SPECC1: variants seen among roughly 807,000 people sequenced by gnomAD.
SPECC1 encodes sperm antigen with calponin homology and coiled-coil domains 1, also known as cytospin-B.
A neutral mutation model predicts 104.1 loss-of-function variants in SPECC1; 62 were observed. That is an observed-to-expected ratio of 0.60 (90% CI 0.49 to 0.74). SPECC1 has a LOEUF of 0.74. Among genes scored for constraint, SPECC1 ranks in the 30% least tolerant of loss-of-function variants. The probability of loss-of-function intolerance (pLI) is 0.00; values close to 1 mark genes in which losing one functional copy is unlikely to be tolerated. For synonymous variants in SPECC1, 513 were observed against 501.6 expected, an observed-to-expected ratio of 1.02 and a Z score of -0.30; for missense variants, 1,306 against 1,310.5, an observed-to-expected ratio of 1.00 and a Z score of 0.05.
intron 1 of SPECC1, among the ~76,000 whole-genome samples, chr17:20,072,771 C>T (rs1340241648): frequency 6.6e-6 from 1 of 152,222 alleles, no homozygotes; most frequent in Non-Finnish European, 1.5e-5. Context: ...GCCTTCCACA[C>T]CTATTATCCA....
intron 1 of SPECC1, among the ~76,000 whole-genome samples, chr17:20,032,464 T>C (rs2044855644): frequency 6.6e-6 from 1 of 152,162 alleles, no homozygotes; most frequent in Non-Finnish European, 1.5e-5. Context: ...CATTCTTTTT[T>C]CTTTTTATTT....
At chr17:20,214,988 C>T (rs1407770583) in intron 4 of SPECC1, among the ~76,000 whole-genome samples, 1 of 152,168 alleles carries the variant, frequency 6.6e-6, no homozygotes, top group Non-Finnish European at 1.5e-5. Flanking sequence ...GTGGGGCAGG[C>T]TTGAGAAGGG....
chr17:20,199,080 CTTTTTTT>C (rs562975649), intron 3 of SPECC1, among the ~76,000 whole-genome samples: 7 of 76,572 alleles, frequency 9.1e-5, no homozygotes, highest in African/African-American at 3.7e-4. Flanking sequence ...CTTATGGTAG[CTTTTTTT>C]TTTTTTTTTT....
chr17:20,214,731 C>T (rs2037377569), intron 4 of SPECC1, among the ~76,000 whole-genome samples: 1 of 152,168 alleles, frequency 6.6e-6, no homozygotes, highest in Non-Finnish European at 1.5e-5. Context: ...TGGTCTCAAA[C>T]CCCTGACCTT....
At chr17:20,156,371 C>T (rs1271536085) in intron 3 of SPECC1, 3 of 1,004,710 alleles carry the variant, frequency 3.0e-6, no homozygotes, top group Non-Finnish European at 3.9e-6. Context: ...TGATTCTTGT[C>T]GTTGGAATGC....
At chr17:20,113,974 A>G (rs948225471) in intron 3 of SPECC1, among the ~76,000 whole-genome samples, 2 of 152,218 alleles carry the variant, frequency 1.3e-5, no homozygotes, top group African/African-American at 4.8e-5. Flanking sequence ...CTTACACAAT[A>G]TGAATGAATA....
intron 1 of SPECC1, among the ~76,000 whole-genome samples, chr17:20,030,576 G>T (rs1035955498): frequency 6.6e-6 from 1 of 151,932 alleles, no homozygotes; most frequent in African/African-American, 2.4e-5. Context: ...TCAACAATAG[G>T]CTTTATATAT....
chr17:20,122,937 G>T (rs2049109070), intron 3 of SPECC1, among the ~76,000 whole-genome samples: 1 of 152,156 alleles, frequency 6.6e-6, no homozygotes, highest in Admixed American at 6.5e-5. Context: ...ATGCTGCTCT[G>T]TACACAGGTG....
chr17:20,068,536 G>C (rs951803938), intron 1 of SPECC1, among the ~76,000 whole-genome samples: 2 of 152,152 alleles, frequency 1.3e-5, no homozygotes, highest in African/African-American at 4.8e-5. Context: ...TGGTAACTGG[G>C]TGTAACTTTT....
At chr17:20,282,389 T>TCC (rs2040802992) in intron 12 of SPECC1, among the ~76,000 whole-genome samples, 1 of 152,224 alleles carries the variant, frequency 6.6e-6, no homozygotes, top group Admixed American at 6.5e-5. Flanking sequence ...GTCTCCATTT[T>TCC]CGCAGTCTCA....
chr17:20,088,604 C>T (rs1257560616), intron 1 of SPECC1, among the ~76,000 whole-genome samples: 1 of 152,108 alleles, frequency 6.6e-6, no homozygotes, highest in African/African-American at 2.4e-5. Flanking sequence ...ACAGGGAGGC[C>T]CTCAGATTGG....
intron 1 of SPECC1, among the ~76,000 whole-genome samples, chr17:20,040,690 C>T (rs1414090970): frequency 6.6e-6 from 1 of 152,166 alleles, no homozygotes; most frequent in Non-Finnish European, 1.5e-5. Flanking sequence ...AAATCTGTTA[C>T]TTGAATTGTT....
intron 5 of SPECC1, among the ~76,000 whole-genome samples, chr17:20,228,195 T>C (rs2038349851): frequency 6.6e-6 from 1 of 152,048 alleles, no homozygotes; most frequent in South Asian, 2.1e-4. Flanking sequence ...ATAGAAATGC[T>C]TTTCATTTTG....
In SPECC1 at chr17:20,035,708, A is replaced by G. The variant is rs556703101; in HGVS notation, c.-22+26284A>G. 3.9e-5 allele frequency among the ~76,000 whole-genome samples: 6 copies of G among 152,332 alleles called. No individual in the cohort carries two copies. In the South Asian group the frequency reaches 1.2e-3, roughly 32 times the overall value. ...ACAATCATTGTGCATTACAGCCTCA[A>G]ACTACTGACCTAAAACAATCCTCCT... On this transcript the variant is annotated intron_variant, in intron 1 of 14. Coordinates refer to ENST00000395527, the MANE Select transcript of SPECC1 (RefSeq NM_001243439.2).
chr17:20,087,527 A>G (rs1388230949), intron 1 of SPECC1, among the ~76,000 whole-genome samples: 1 of 152,100 alleles, frequency 6.6e-6, no homozygotes, highest in African/African-American at 2.4e-5. Flanking sequence ...TTAATTCAGC[A>G]CCTATTTAGT....
intron 1 of SPECC1, among the ~76,000 whole-genome samples, chr17:20,011,156 T>C (rs1312171682): frequency 6.6e-6 from 1 of 152,224 alleles, no homozygotes; most frequent in African/African-American, 2.4e-5. Flanking sequence ...CTGATTAAAT[T>C]GGGAAACTTT....
intron 3 of SPECC1, 44 bp from the exon 4 acceptor site, chr17:20,204,289 A>G (rs377497174): frequency 3.2e-6 from 5 of 1,568,274 alleles, no homozygotes; most frequent in Non-Finnish European, 4.3e-6. Flanking sequence ...GTTTATAAGA[A>G]TGCTTGCTTT....
intron 1 of SPECC1, 31 bp from the exon 2 acceptor site, chr17:20,096,600 A>G: frequency 6.3e-7 from 1 of 1,575,378 alleles, no homozygotes; most frequent in South Asian, 1.1e-5. Context: ...CAAGTGATGG[A>G]GACATGTTTT....
rs1373892424 is a variant in SPECC1 at position 20,314,394 on chromosome 17, T to G, written c.*329T>G. ...TATATTGGGTGGCTGAACGAACACA[T>G]TATCTGCAGAAATTCAGACAAAGAA... On this transcript the variant is annotated 3_prime_UTR_variant, in exon 15 of 15. Transcript: ENST00000395527. 2.4e-5 allele frequency: 8 copies of G among 329,354 alleles called. No individual in the cohort carries two copies. In the Admixed American group the frequency reaches 3.2e-4, roughly 13 times the overall value. 20.4% of individuals were successfully genotyped at this position (329,354 alleles called of 1,614,324 possible).
Sources: gnomAD v4.1 joint callset for allele counts (sites outside exome capture counted in the v4.1 genomes callset) on GRCh38, gnomAD v4.1.1 for gene constraint, MANE v1.5 for transcripts, NCBI Gene and HGNC (gene_info 2026-07-23, HGNC 2026-07-21) for gene names.